IGFBP7: variants seen among roughly 807,000 people sequenced by gnomAD.
The protein encoded by IGFBP7 is insulin like growth factor binding protein 7, also known as insulin-like growth factor-binding protein 7.
Under a neutral mutation model 29.4 loss-of-function variants are expected in IGFBP7, and 31 were observed. That is an observed-to-expected ratio of 1.05 (90% confidence interval 0.79 to 1.42). IGFBP7 has a LOEUF of 1.42. IGFBP7 is among the 40% of genes most tolerant of loss of function. IGFBP7 has a pLI of 0.00. For missense variants in IGFBP7, 393 were observed against 395.5 expected (o/e 0.99, Z 0.05); for synonymous variants, 172 against 174.9 (o/e 0.98, Z 0.13).
intron 1 of IGFBP7, among the ~76,000 whole-genome samples, chr4:57,045,092 A>G (rs1482003870): frequency 1.3e-5 from 2 of 152,240 alleles, no homozygotes; most frequent in Non-Finnish European, 2.9e-5. Context: ...GACAAATCAT[A>G]TCATGGGTTC....
intron 1 of IGFBP7, among the ~76,000 whole-genome samples, chr4:57,054,623 G>A (rs1485290799): frequency 7.3e-6 from 1 of 137,312 alleles, no homozygotes; most frequent in Non-Finnish European, 1.5e-5. Context: ...TGGCGACAGA[G>A]CGAGGCTCTC....
At chr4:57,075,823 CT>C (rs1266937005) in intron 1 of IGFBP7, among the ~76,000 whole-genome samples, 1 of 152,144 alleles carries the variant, frequency 6.6e-6, no homozygotes, top group East Asian at 1.9e-4. Flanking sequence ...AAGGAGCTAC[CT>C]GAATATCTGT....
chr4:57,059,927 T>C (rs1352090681), intron 1 of IGFBP7, among the ~76,000 whole-genome samples: 1 of 152,112 alleles, frequency 6.6e-6, no homozygotes, highest in East Asian at 1.9e-4. Flanking sequence ...AGGACTACAA[T>C]AATAACTAAC....
intron 1 of IGFBP7, among the ~76,000 whole-genome samples, chr4:57,091,962 G>A (rs545629845): frequency 6.6e-6 from 1 of 152,336 alleles, no homozygotes; most frequent in East Asian, 1.9e-4. Context: ...AGTGAAACAA[G>A]CGGTCAAATC....
chr4:57,052,133 C>T (rs528835158), intron 1 of IGFBP7, among the ~76,000 whole-genome samples: 16 of 152,012 alleles, frequency 1.1e-4, no homozygotes, highest in East Asian at 1.9e-4. Flanking sequence ...TGGGACATGG[C>T]GGGGATTAAG....
At chr4:57,052,302 A>G (rs1450900774) in intron 1 of IGFBP7, among the ~76,000 whole-genome samples, 1 of 152,180 alleles carries the variant, frequency 6.6e-6, no homozygotes, top group Non-Finnish European at 1.5e-5. Flanking sequence ...AGGCTGCCGC[A>G]CCATGAACAG....
At position 57,110,238 on chromosome 4, in the gene IGFBP7, G is replaced by A; in HGVS notation, c.114C>T (p.Ala38=). Reference sequence around the variant, plus strand: ...CCAGCGGGGGCAGGGGCGGGCAGGAGGCCGGCTCGCAGGGGCCGCAGGTGT... The same window carrying A: ...CCAGCGGGGGCAGGGGCGGGCAGGAAGCCGGCTCGCAGGGGCCGCAGGTGT... ...SSDTCGPCEP[A]SCPPLPPLGC... The change falls in exon 1 of 5, where the codon GCC becomes GCT. Residue 38 remains alanine (A), a synonymous_variant. Transcript: ENST00000295666. 2 of 1,387,214 alleles carry A rather than the reference G, an allele frequency of 1.4e-6. No individual in the cohort carries two copies. The highest frequency in any genetic ancestry group is 1.5e-5 in the African/African-American group (1 of 66,754). 85.9% of individuals were successfully genotyped at this position (1,387,214 alleles called of 1,614,324 possible).
intron 1 of IGFBP7, among the ~76,000 whole-genome samples, chr4:57,084,188 G>A (rs918670917): frequency 1.3e-5 from 2 of 152,070 alleles, no homozygotes; most frequent in East Asian, 3.8e-4. Context: ...GATTAATTTT[G>A]TCTCAATTAT....
intron 1 of IGFBP7, among the ~76,000 whole-genome samples, chr4:57,042,643 C>T (rs1402351326): frequency 3.9e-5 from 6 of 152,226 alleles, no homozygotes; most frequent in East Asian, 3.9e-4. Flanking sequence ...CCACTATGCC[C>T]GGCCTGCAGT....
rs76333697 is a variant in IGFBP7, at chr4:57,061,568, G to A, written c.476-20635C>T. Among the ~76,000 whole-genome samples, 985 of 152,280 alleles carry A rather than the reference G, an allele frequency of 6.5e-3. 6 individuals carry two copies. Among genetic ancestry groups the A allele is most frequent in the Non-Finnish European group, 0.01 (713 of 68,016 alleles). ...CTAATGAGTGGGTGGTGTTGACAGC[G>A]TGGATACCCACACAAAGGAAAAAAT... On this transcript the variant is annotated intron_variant, in intron 1 of 4. Transcript: ENST00000295666.
chr4:57,037,356 C>T (rs766671355), intron 2 of IGFBP7, among the ~76,000 whole-genome samples: 1 of 146,688 alleles, frequency 6.8e-6, no homozygotes, highest in Non-Finnish European at 1.5e-5. Flanking sequence ...GCACCCATCT[C>T]GTTGACTGAC....
At chr4:57,057,738 C>T (rs1407534129) in intron 1 of IGFBP7, among the ~76,000 whole-genome samples, 6 of 152,124 alleles carry the variant, frequency 3.9e-5, no homozygotes, top group Non-Finnish European at 8.8e-5. Context: ...ATGAATGGAT[C>T]TCTGAACTTG....
intron 1 of IGFBP7, chr4:57,072,858 A>C (rs888384768): frequency 1.6e-6 from 1 of 631,002 alleles, no homozygotes; most frequent in Non-Finnish European, 3.0e-6. Flanking sequence ...CCCAGGGGCT[A>C]CCCTTACAAT....
intron 1 of IGFBP7, among the ~76,000 whole-genome samples, chr4:57,089,120 C>G (rs1442520277): frequency 6.6e-6 from 1 of 151,636 alleles, no homozygotes; most frequent in East Asian, 1.9e-4. Flanking sequence ...TTGAACCCCA[C>G]CCTCTCCAAA....
chr4:57,045,605 C>T (rs1724340408), intron 1 of IGFBP7, among the ~76,000 whole-genome samples: 1 of 152,146 alleles, frequency 6.6e-6, no homozygotes, highest in African/African-American at 2.4e-5. Context: ...AGGGATTCAA[C>T]ATTCTTTCCA....
Position 57,110,164 on chromosome 4 carries a change from C to A in IGFBP7, c.188G>T (p.Cys63Phe). ...TRDACGCCPM[C>F]ARGEGEPCGG... is the part of the protein sequence containing the mutation. ...GCACGGCTCGCCCTCGCCGCGGGCG[C>A]ACATAGGGCAGCAGCCGCACGCGTC... The change falls in exon 1 of 5, where the codon TGC becomes TTC. Residue 63 changes from cysteine (C) to phenylalanine (F), a missense_variant. Transcript: ENST00000295666. 6.9e-7 allele frequency: 1 copy of A among 1,442,178 alleles called. No individual in the cohort carries two copies. Among genetic ancestry groups the A allele is most frequent in the Non-Finnish European group, 9.0e-7 (1 of 1,107,340 alleles). The allele number at this position is 1,442,178 out of a possible 1,614,324, so 89.3% of individuals were successfully genotyped here.
intron 1 of IGFBP7, among the ~76,000 whole-genome samples, chr4:57,092,787 TTA>T (rs1725671148): frequency 6.6e-6 from 1 of 151,010 alleles, no homozygotes. Flanking sequence ...AAAAGGTTAT[TTA>T]TGACAGAAAA....
At chr4:57,052,585 C>A (rs548740857) in intron 1 of IGFBP7, among the ~76,000 whole-genome samples, 1 of 152,304 alleles carries the variant, frequency 6.6e-6, no homozygotes, top group African/African-American at 2.4e-5. Flanking sequence ...TGCTGACCAC[C>A]TGGCCCGTCC....
chr4:57,102,691 A>C (rs1202616111), intron 1 of IGFBP7, among the ~76,000 whole-genome samples: 2 of 152,230 alleles, frequency 1.3e-5, no homozygotes, highest in Non-Finnish European at 2.9e-5. Flanking sequence ...AAAGAATCCT[A>C]AGTCCTCTAA....
Sources: allele counts gnomAD v4.1 joint callset (sites outside exome capture counted in the v4.1 genomes callset), GRCh38; gene constraint gnomAD v4.1.1; transcripts MANE v1.5; gene names NCBI Gene and HGNC (gene_info 2026-07-23, HGNC 2026-07-21).